The following STK39 variants were observed in gnomAD, a reference collection of about 807,000 sequenced individuals.
The protein encoded by STK39 is STE20/SPS1-related proline-alanine-rich protein kinase.
In STK39, 20 loss-of-function variants were observed where a neutral mutation model predicts 77.8. That is an observed-to-expected ratio of 0.26 (90% confidence interval 0.18 to 0.37). The LOEUF (loss-of-function observed/expected upper bound fraction) is 0.37, where lower values mean the gene tolerates loss of function less well. Among genes scored for constraint, STK39 ranks in the 10% least tolerant of loss-of-function variants. The pLI, the probability that STK39 is intolerant of heterozygous loss-of-function variation, is 1.00. For missense variants in STK39, 479 were observed against 656.5 expected (o/e 0.73, Z 2.95); for synonymous variants, 246 against 234.1 (o/e 1.05, Z -0.47).
chr2:168,195,435 G>T (rs566383178), intron 1 of STK39, among the ~76,000 whole-genome samples: 1 of 152,204 alleles, frequency 6.6e-6, no homozygotes, highest in South Asian at 2.1e-4. Context: ...ACCTACCATT[G>T]ATTTGCCTCA....
intron 16 of STK39, among the ~76,000 whole-genome samples, chr2:167,994,876 C>T (rs949506690): frequency 6.6e-6 from 1 of 151,978 alleles, no homozygotes; most frequent in Non-Finnish European, 1.5e-5. Context: ...AAGTTAAATC[C>T]TTCAGGTCAC....
At chr2:168,104,383 G>A (rs898693336) in intron 10 of STK39, among the ~76,000 whole-genome samples, 1 of 152,078 alleles carries the variant, frequency 6.6e-6, no homozygotes, top group African/African-American at 2.4e-5. Flanking sequence ...ACGAGAAAAA[G>A]ACATTGCCAA....
At chr2:167,965,484 G>C (rs561545631) in intron 16 of STK39, among the ~76,000 whole-genome samples, 1 of 152,198 alleles carries the variant, frequency 6.6e-6, no homozygotes, top group Non-Finnish European at 1.5e-5. Context: ...CTCCAGTAGA[G>C]AAGTCAGTTT....
intron 2 of STK39, among the ~76,000 whole-genome samples, chr2:168,176,634 CTTGATT>C (rs899359961): frequency 1.2e-4 from 19 of 152,090 alleles, no homozygotes; most frequent in Non-Finnish European, 2.8e-4. Flanking sequence ...GGAAAAAGTT[CTTGATT>C]TTATCTATAA....
At chr2:168,010,346 T>C (rs994090658) in intron 16 of STK39, among the ~76,000 whole-genome samples, 6 of 151,706 alleles carry the variant, frequency 4.0e-5, no homozygotes, top group African/African-American at 1.2e-4. Flanking sequence ...TGTTTTCTAA[T>C]GAAGGAGAGT....
Position 168,162,626 on chromosome 2 carries a change from TA to T in STK39, c.573-785del, listed in dbSNP as rs200320377. On this transcript the variant is annotated intron_variant, in intron 4 of 17. Coordinates refer to ENST00000355999, the MANE Select transcript of STK39 (RefSeq NM_013233.3). ...TGATTATAAATACTAATTATAATAA[TA>T]GATATTATATTTCTTCACCGTATAA... Among the ~76,000 whole-genome samples, 1,166 of 152,264 alleles carry T rather than the reference TA, an allele frequency of 7.7e-3. 4 individuals carry two copies. Among genetic ancestry groups the T allele is most frequent in the Middle Eastern group, 0.021 (6 of 292 alleles).
chr2:167,960,099 G>T (rs1344381066), intron 17 of STK39, among the ~76,000 whole-genome samples: 1 of 152,162 alleles, frequency 6.6e-6, no homozygotes, highest in Non-Finnish European at 1.5e-5. Context: ...GATGCAGGAA[G>T]GGCCCTCTGA....
chr2:168,071,785 G>A (rs1460248535), intron 12 of STK39, among the ~76,000 whole-genome samples: 1 of 151,572 alleles, frequency 6.6e-6, no homozygotes, highest in Non-Finnish European at 1.5e-5. Context: ...CAGGAGAAAG[G>A]CGTGAACCCG....
At chr2:167,965,113 G>C (rs913261669) in intron 16 of STK39, among the ~76,000 whole-genome samples, 2 of 142,148 alleles carry the variant, frequency 1.4e-5, no homozygotes, top group African/African-American at 2.7e-5. Flanking sequence ...AAAGAGGAGA[G>C]GTAGTGGGGA....
chr2:167,977,622 T>C (rs1342304855), intron 16 of STK39, among the ~76,000 whole-genome samples: 1 of 151,678 alleles, frequency 6.6e-6, no homozygotes, highest in Non-Finnish European at 1.5e-5. Flanking sequence ...GCAACAGCTG[T>C]TGAAAAGTAC....
At chr2:167,970,867 CTA>C (rs1431515354) in intron 16 of STK39, among the ~76,000 whole-genome samples, 3 of 152,182 alleles carry the variant, frequency 2.0e-5, no homozygotes, top group African/African-American at 7.2e-5. Flanking sequence ...CTTCTGATTT[CTA>C]TATGTTACTT....
At chr2:167,968,854 C>G (rs1450021566) in intron 16 of STK39, among the ~76,000 whole-genome samples, 1 of 152,156 alleles carries the variant, frequency 6.6e-6, no homozygotes, top group Non-Finnish European at 1.5e-5. Context: ...TCCAGCCACG[C>G]ATACAGAAAA....
rs185938130 is a variant in STK39, at chr2:168,092,203, C to A, written c.1090-16972G>T. ...TTTTCCTATTGCTAACAGAGAACACCATCTTCACAGGGATCAGACACCTGT... is the reference window on the plus strand; with the variant it reads ...TTTTCCTATTGCTAACAGAGAACACAATCTTCACAGGGATCAGACACCTGT... On this transcript the variant is annotated intron_variant, in intron 10 of 17. Coordinates refer to ENST00000355999, the MANE Select transcript of STK39 (RefSeq NM_013233.3). 1.9e-4 allele frequency among the ~76,000 whole-genome samples: 29 copies of A among 152,262 alleles called. 1 individual carries two copies. The South Asian group carries it at 5.8e-3, about 31-fold the overall frequency.
chr2:168,101,075 G>T (rs1363738877), intron 10 of STK39, among the ~76,000 whole-genome samples: 1 of 152,180 alleles, frequency 6.6e-6, no homozygotes, highest in African/African-American at 2.4e-5. Context: ...GATGAAGCTG[G>T]AAACCATCAT....
chr2:168,065,607 A>C (rs1199063668), intron 12 of STK39, among the ~76,000 whole-genome samples: 1 of 152,224 alleles, frequency 6.6e-6, no homozygotes, highest in Non-Finnish European at 1.5e-5. Context: ...CAGAGATGGA[A>C]GAGAATCTGT....
At chr2:168,170,844 G>A (rs1688805879) in intron 2 of STK39, among the ~76,000 whole-genome samples, 1 of 152,194 alleles carries the variant, frequency 6.6e-6, no homozygotes, top group Non-Finnish European at 1.5e-5. Context: ...GGAGACTGTT[G>A]TACTAAAGTG....
At chr2:168,185,859 T>G (rs576592722) in intron 1 of STK39, among the ~76,000 whole-genome samples, 2 of 152,304 alleles carry the variant, frequency 1.3e-5, no homozygotes, top group African/African-American at 4.8e-5. Context: ...CCCTGCCATG[T>G]AGCAGGCAGT....
chr2:168,151,542 C>T (rs907828039), intron 5 of STK39, among the ~76,000 whole-genome samples: 3 of 152,066 alleles, frequency 2.0e-5, no homozygotes, highest in Admixed American at 1.3e-4. Context: ...CGAGACCATC[C>T]TAGCTAACAC....
chr2:168,174,156 A>G (rs1391200847), intron 2 of STK39, among the ~76,000 whole-genome samples: 1 of 152,226 alleles, frequency 6.6e-6, no homozygotes, highest in Admixed American at 6.5e-5. Flanking sequence ...CAGGAAAAGG[A>G]AAGCATAAAT....
Sources: gnomAD v4.1 joint callset for allele counts (sites outside exome capture counted in the v4.1 genomes callset) on GRCh38, gnomAD v4.1.1 for gene constraint, MANE v1.5 for transcripts, NCBI Gene and HGNC (gene_info 2026-07-23, HGNC 2026-07-21) for gene names.